The following LRP5 variants were observed in gnomAD, a reference collection of about 807,000 sequenced individuals.
The protein encoded by LRP5 is low-density lipoprotein receptor-related protein 5.
Under a neutral mutation model 154.1 loss-of-function variants are expected in LRP5, and 62 were observed. The ratio of observed to expected loss-of-function variants is 0.40; its 90% CI spans 0.33 to 0.50. The LOEUF is 0.50. Among genes scored for constraint, LRP5 ranks in the 20% least tolerant of loss-of-function variants. LRP5 has a pLI of 0.55. For missense variants in LRP5, 1,915 were observed against 2,336.7 expected, an observed-to-expected ratio of 0.82 and a Z score of 3.72; for synonymous variants, 966 against 1,011.5, an observed-to-expected ratio of 0.96 and a Z score of 0.85.
intron 21 of LRP5, among the ~76,000 whole-genome samples, chr11:68,444,558 T>C (rs2098680425): frequency 1.4e-3 from 2 of 1,448 alleles, no homozygotes; most frequent in Non-Finnish European, 4.0e-3. Context: ...CCGAGTGGCC[T>C]CCCCAGCCCC....
chr11:68,427,073 G>A (rs774968705), intron 16 of LRP5, among the ~76,000 whole-genome samples: 4 of 152,140 alleles, frequency 2.6e-5, no homozygotes, highest in East Asian at 1.9e-4. Context: ...CCTGTGATTC[G>A]GCTCAGCCAC....
intron 5 of LRP5, among the ~76,000 whole-genome samples, chr11:68,385,502 C>A (rs1481811581): frequency 2.6e-5 from 4 of 152,140 alleles, no homozygotes; most frequent in Admixed American, 2.6e-4. Context: ...GTGGAGGCCG[C>A]GGTGCAGCCC....
intron 7 of LRP5, among the ~76,000 whole-genome samples, chr11:68,392,896 G>A (rs1468930802): frequency 6.6e-6 from 1 of 152,048 alleles, no homozygotes; most frequent in African/African-American, 2.4e-5. Flanking sequence ...GGAGGCCAAG[G>A]CGGGACGATC....
chr11:68,448,858 G>A lies in LRP5; in HGVS notation c.4636G>A (p.Asp1546Asn), dbSNP rs768436809. The change falls in exon 23 of 23, where the codon GAC becomes AAC. Residue 1546 changes from aspartate (D) to asparagine (N), a missense_variant. Coordinates refer to ENST00000294304, the MANE Select transcript of LRP5 (RefSeq NM_002335.4). ...GCCCCCGACGACGCCCTGCAGCACC[G>A]ACGTGTGTGACAGCGACTACAGCGC... is the stretch of plus-strand genomic sequence containing the variant. ...MAPPTTPCST[D>N]VCDSDYSASR... 17 of 1,611,754 alleles carry A rather than the reference G, an allele frequency of 1.1e-5. No individual in the cohort carries two copies. Among genetic ancestry groups the A allele is most frequent in the East Asian group, 4.5e-5 (2 of 44,874 alleles).
intron 8 of LRP5, among the ~76,000 whole-genome samples, chr11:68,404,766 C>T (rs1390075799): frequency 6.6e-6 from 1 of 152,088 alleles, no homozygotes; most frequent in Admixed American, 6.5e-5. Flanking sequence ...GTCAGGAGAT[C>T]GAGACCATCC....
At chr11:68,392,653 G>A (rs1206260644) in intron 7 of LRP5, among the ~76,000 whole-genome samples, 3 of 151,926 alleles carry the variant, frequency 2.0e-5, no homozygotes, top group Admixed American at 1.3e-4. Flanking sequence ...CGGCACTCAC[G>A]CCCATTCTCC....
chr11:68,366,234 G>A (rs2098631007), intron 5 of LRP5, among the ~76,000 whole-genome samples: 2 of 152,178 alleles, frequency 1.3e-5, no homozygotes, highest in South Asian at 2.1e-4. Flanking sequence ...AGTCCTCCCC[G>A]TTTCTGTAGC....
rs1477425117 is a variant in LRP5, at chr11:68,406,810, G to A, written c.2088G>A (p.Leu696=). ...NNHIYWTDVS[L]KTISRAFMNG... ...ACATCTACTGGACAGACGTCAGCCT[G>A]AAGGTAGCGTGGGCCAGAACGTGCA... The change falls in exon 9 of 23, where the codon CTG becomes CTA. Residue 696 remains leucine (L), a synonymous_variant. Transcript: ENST00000294304. The A allele has an allele frequency of 3.7e-6, 6 of 1,613,682 alleles. No homozygotes were observed. In the African/African-American group the frequency reaches 6.7e-5, roughly 18 times the overall value.
rs1591298590 is a variant in LRP5, at chr11:68,413,693, G to A, written c.2508G>A (p.Gln836=). The A allele has an allele frequency of 1.2e-6, 2 of 1,613,722 alleles. No individual in the cohort carries two copies. Among genetic ancestry groups the A allele is most frequent in the Non-Finnish European group, 1.7e-6 (2 of 1,180,000 alleles). ...NMIESSNMLG[Q]ERVVIADDLP... ...TGCCCGTGTGTGTTCATGCAGGTCA[G>A]GAGCGGGTCGTGATTGCCGACGATC... The change falls in exon 12 of 23, where the codon CAG becomes CAA. Residue 836 remains glutamine (Q), a synonymous_variant. Coordinates refer to ENST00000294304, the MANE Select transcript of LRP5 (RefSeq NM_002335.4). The surrounding 1 kb of genome is among the most constrained non-coding windows in gnomAD (Gnocchi z 5.1).
chr11:68,314,540 G>T (rs1181868453), intron 1 of LRP5, among the ~76,000 whole-genome samples: 1 of 152,216 alleles, frequency 6.6e-6, no homozygotes, highest in Non-Finnish European at 1.5e-5. Context: ...CAGTAAGTGG[G>T]CCGCTAATTA....
intron 2 of LRP5, among the ~76,000 whole-genome samples, chr11:68,354,225 G>T (rs1207972219): frequency 6.6e-6 from 1 of 152,158 alleles, no homozygotes; most frequent in Non-Finnish European, 1.5e-5. Context: ...ATTTTCCTCC[G>T]TGGAATTTGG....
At chr11:68,389,700 A>G (rs1370885733) in intron 6 of LRP5, among the ~76,000 whole-genome samples, 181 bp from the exon 7 acceptor site, 2 of 150,218 alleles carry the variant, frequency 1.3e-5, no homozygotes, top group Non-Finnish European at 3.0e-5. Flanking sequence ...ATCTACTGAC[A>G]CTGATGTTTA....
chr11:68,314,567 C>T (rs2098591559), intron 1 of LRP5, among the ~76,000 whole-genome samples: 2 of 152,242 alleles, frequency 1.3e-5, no homozygotes, highest in Non-Finnish European at 2.9e-5. Context: ...CTGATTGCTT[C>T]CTGTTGCAAT....
chr11:68,405,147 A>C (rs963079649), intron 8 of LRP5, among the ~76,000 whole-genome samples: 1 of 150,442 alleles, frequency 6.6e-6, no homozygotes, highest in African/African-American at 2.4e-5. Context: ...ATAGAGCGAG[A>C]CTCTGTCTCA....
Position 68,363,962 on chromosome 11 carries a change from G to C in LRP5, c.883+19G>C. On this transcript the variant is annotated intron_variant, in intron 4 of 22. Coordinates refer to ENST00000294304, the MANE Select transcript of LRP5 (RefSeq NM_002335.4). ...CCTTTCTGTGAGTGCCGGCTGGGGCGCGGGGGCGAGGGTGCGGGGGCTGGG... is the reference window on the plus strand; with the variant it reads ...CCTTTCTGTGAGTGCCGGCTGGGGCCCGGGGGCGAGGGTGCGGGGGCTGGG... 6.4e-7 allele frequency: 1 copy of C among 1,572,744 alleles called. No homozygotes were observed. The highest frequency in any genetic ancestry group is 1.1e-5 in the South Asian group (1 of 87,706).
At chr11:68,390,151 TCTG>T in intron 7 of LRP5, 99 bp downstream of exon 7, 12 of 1,431,906 alleles carry the variant, frequency 8.4e-6, no homozygotes, top group Non-Finnish European at 1.2e-5. Context: ...GTGCCTGTGC[TCTG>T]CTATTTGGCC....
intron 11 of LRP5, 63 bp downstream of exon 11, chr11:68,411,683 C>T: frequency 6.6e-7 from 1 of 1,522,536 alleles, no homozygotes; most frequent in Non-Finnish European, 8.9e-7. Flanking sequence ...TGGCCACCTC[C>T]CAGCCTCGCC....
rs78943283 is a variant in LRP5, at chr11:68,411,311, G to A, written c.2319-125G>A. The stretch of plus-strand genomic sequence containing the variant: ...TCTCGCCCTTCCCTGCTTCCTGCGC[G>A]TGGCTTTCTCCAGGACGGGGAGGGC... On this transcript the variant is annotated intron_variant, in intron 10 of 22. Coordinates refer to ENST00000294304, the MANE Select transcript of LRP5 (RefSeq NM_002335.4). 1.2e-3 allele frequency: 1,213 copies of A among 987,576 alleles called. 11 individuals carry two copies. In the African/African-American group the frequency reaches 0.016, roughly 13 times the overall value. The allele number at this position is 987,576 out of a possible 1,614,324, so 61.2% of individuals were successfully genotyped here.
chr11:68,322,037 A>T (rs2098597038), intron 1 of LRP5, among the ~76,000 whole-genome samples: 1 of 152,156 alleles, frequency 6.6e-6, no homozygotes, highest in Non-Finnish European at 1.5e-5. Flanking sequence ...TTGGAGCAAG[A>T]TATGTTCTGG....
Sources: gnomAD v4.1 joint callset for allele counts (sites outside exome capture counted in the v4.1 genomes callset) on GRCh38, gnomAD v4.1.1 for gene constraint, Gnocchi (gnomAD v3.1) non-coding constraint, MANE v1.5 for transcripts, NCBI Gene and HGNC (gene_info 2026-07-23, HGNC 2026-07-21) for gene names.